Variants in MACIR observed in about 807,000 individuals in gnomAD.
MACIR encodes UNC119-binding protein C5orf30.
MACIR carries 4 observed loss-of-function variants against 14.3 expected under a neutral mutation model. The observed-to-expected ratio is 0.28, with a 90% CI of 0.14 to 0.64. The LOEUF is 0.64. MACIR is among the 30% of genes least tolerant of loss of function. The pLI, the probability that MACIR is intolerant of heterozygous loss-of-function variation, is 0.83. For missense variants in MACIR, 228 were observed against 257.6 expected (o/e 0.89, Z 0.79); for synonymous variants, 101 against 102.4 (o/e 0.99, Z 0.08).
At chr5:103,264,457 A>G (rs768386747) in intron 1 of MACIR, among the ~76,000 whole-genome samples, 8 of 152,136 alleles carry the variant, frequency 5.3e-5, no homozygotes, top group Admixed American at 1.3e-4. Flanking sequence ...ATGCAGATGA[A>G]TGTTATTAGT....
At chr5:103,266,054 A>C (rs1267917770) in intron 2 of MACIR, 57 bp downstream of exon 2, 1 of 152,144 alleles carries the variant, frequency 6.6e-6, no homozygotes, top group Non-Finnish European at 1.5e-5. Flanking sequence ...CAATACCATA[A>C]TGTGTTTTTT....
At chr5:103,264,006 A>C (rs1562546891) in intron 1 of MACIR, among the ~76,000 whole-genome samples, 1 of 152,192 alleles carries the variant, frequency 6.6e-6, no homozygotes, top group African/African-American at 2.4e-5. Flanking sequence ...ATAACCATGC[A>C]GCTAAGTAGT....
Position 103,275,885 on chromosome 5 carries a change from G to C in MACIR, c.-23-12G>C. On this transcript the variant is annotated splice_polypyrimidine_tract_variant and intron_variant, in intron 2 of 2. Coordinates refer to ENST00000319933, the MANE Select transcript of MACIR (RefSeq NM_033211.4). ...CATTATATTCTTCTAATCTAAGTCT[G>C]TTTACTTTTAGGATTGTGCAGACTG... The C allele has an allele frequency of 6.3e-7, 1 of 1,581,406 alleles. No homozygotes were observed. Among genetic ancestry groups the C allele is most frequent in the Non-Finnish European group, 8.6e-7 (1 of 1,162,552 alleles).
At chr5:103,275,713 C>T (rs1283267608) in intron 2 of MACIR, among the ~76,000 whole-genome samples, 184 bp from the exon 3 acceptor site, 1 of 152,128 alleles carries the variant, frequency 6.6e-6, no homozygotes, top group Non-Finnish European at 1.5e-5. Flanking sequence ...TTCTTAAAGG[C>T]AGAGAGGTAT....
At chr5:103,264,337 GTTAAGA>G (rs1267434356) in intron 1 of MACIR, among the ~76,000 whole-genome samples, 1 of 152,112 alleles carries the variant, frequency 6.6e-6, no homozygotes, top group Non-Finnish European at 1.5e-5. Flanking sequence ...TCATGGAGTA[GTTAAGA>G]TTAAATGATA....
At position 103,261,705 on chromosome 5, in the gene MACIR, C is replaced by CTTTT. The variant is rs1562545911; in HGVS notation, c.-114+2809_-114+2810insTTTT. Among the ~76,000 whole-genome samples, 72 of 62,840 alleles carry CTTTT rather than the reference C, an allele frequency of 1.1e-3. 1 individual carries two copies. The highest frequency in any genetic ancestry group is 4.0e-3 in the African/African-American group (61 of 15,232). The allele number at this position is 62,840 out of a possible 152,430, so 41.2% of individuals were successfully genotyped here. On this transcript the variant is annotated intron_variant, in intron 1 of 2. Coordinates refer to ENST00000319933, the MANE Select transcript of MACIR (RefSeq NM_033211.4). The stretch of plus-strand genomic sequence containing the variant: ...TTCTTTCTTTCTTTCTTTCTTTCTT[C>CTTTT]CTTTCTTTCTTTCTTTCTTTCTTTT...
In MACIR at chr5:103,261,638, T is replaced by TTTCTTTC. The variant is rs1804689234; in HGVS notation, c.-114+2744_-114+2745insCTTTCTT. ...CTCTGAAAATACTACCTGTTTTTCT[T>TTTCTTTC]TTTCTTTCTTTCTTTCTTTCTTTCT... On this transcript the variant is annotated intron_variant, in intron 1 of 2. Coordinates refer to ENST00000319933, the MANE Select transcript of MACIR (RefSeq NM_033211.4). 3.1e-5 allele frequency among the ~76,000 whole-genome samples: 3 copies of TTTCTTTC among 96,750 alleles called. No homozygotes were observed. In the Admixed American group the frequency reaches 3.2e-4, roughly 10 times the overall value. 63.5% of individuals were successfully genotyped at this position (96,750 alleles called of 152,430 possible).
rs1435013706 is a variant in MACIR, at chr5:103,260,583, GTTTA to G, written c.-114+1692_-114+1695del. Among the ~76,000 whole-genome samples the G allele has an allele frequency of 7.2e-5, 11 of 152,266 alleles. No individual in the cohort carries two copies. In the South Asian group the frequency reaches 1.0e-3, roughly 14 times the overall value. On this transcript the variant is annotated intron_variant, in intron 1 of 2. Coordinates refer to ENST00000319933, the MANE Select transcript of MACIR (RefSeq NM_033211.4). ...TGTATAGAATATGCTTTTGCTAACA[GTTTA>G]TTTAATTGCAAATGAAAGTGTTAGT... is the stretch of plus-strand genomic sequence containing the variant.
chr5:103,265,157 A>G (rs546357507), intron 1 of MACIR, among the ~76,000 whole-genome samples: 17 of 152,148 alleles, frequency 1.1e-4, no homozygotes, highest in Non-Finnish European at 2.2e-4. Context: ...AGGAGATGCT[A>G]GAAACCTTAA....
rs1554237799 is a variant in MACIR at position 103,276,722 on chromosome 5, G to C, written c.*182G>C. The C allele has an allele frequency of 3.9e-6, 2 of 513,730 alleles. No individual in the cohort carries two copies. Among genetic ancestry groups the C allele is most frequent in the Non-Finnish European group, 6.8e-6 (2 of 292,436 alleles). 31.8% of individuals were successfully genotyped at this position (513,730 alleles called of 1,614,324 possible). Reference sequence around the variant, plus strand: ...GGAATGAAATCACAGGTACTTGGGGGGGGGATATCATTCTAGAGCACGCAA... The same window carrying C: ...GGAATGAAATCACAGGTACTTGGGGCGGGGATATCATTCTAGAGCACGCAA... On this transcript the variant is annotated 3_prime_UTR_variant, in exon 3 of 3. Coordinates refer to ENST00000319933, the MANE Select transcript of MACIR (RefSeq NM_033211.4).
Position 103,275,962 on chromosome 5 carries a change from A to T in MACIR, c.43A>T (p.Thr15Ser). 3 of 1,613,896 alleles carry T rather than the reference A, an allele frequency of 1.9e-6. No individual in the cohort carries two copies. The highest frequency in any genetic ancestry group is 2.5e-6 in the Non-Finnish European group (3 of 1,180,010). The change falls in exon 3 of 3, where the codon ACC becomes TCC. Residue 15 changes from threonine (T) to serine (S), a missense_variant. Physicochemically the swap from Thr to Ser is moderately conservative, Grantham distance 58. Transcript: ENST00000319933. ...TGGAGAGTCTAGAAGTACCCTGACC[A>T]CCTTGCCCTTCCCTGGGGCTGAGGC... ...INGESRSTLTTLPFPGAEANS... is the reference protein window; with the variant it reads ...INGESRSTLTSLPFPGAEANS...
At position 103,261,697 on chromosome 5, in the gene MACIR, T is replaced by TC. The variant is rs1314820699; in HGVS notation, c.-114+2802dup. On this transcript the variant is annotated intron_variant, in intron 1 of 2. Coordinates refer to ENST00000319933, the MANE Select transcript of MACIR (RefSeq NM_033211.4). ...TTCTTTCTTTCTTTCTTTCTTTCTT[T>TC]CTTTCTTCCTTTCTTTCTTTCTTTC... Among the ~76,000 whole-genome samples, 63 of 109,962 alleles carry TC rather than the reference T, an allele frequency of 5.7e-4. 2 individuals carry two copies. The highest frequency in any genetic ancestry group is 5.0e-3 in the East Asian group (19 of 3,808). 72.1% of individuals were successfully genotyped at this position (109,962 alleles called of 152,430 possible). A position where few individuals can be genotyped will look rare whatever the true frequency, so the allele number is the denominator to read the frequency against.
intron 2 of MACIR, among the ~76,000 whole-genome samples, chr5:103,274,010 C>T (rs928021604): frequency 1.3e-5 from 2 of 151,808 alleles, no homozygotes; most frequent in Non-Finnish European, 2.9e-5. Flanking sequence ...CCTCAATGGC[C>T]CTGGTTATTT....
intron 1 of MACIR, among the ~76,000 whole-genome samples, chr5:103,262,820 T>C (rs1421487099): frequency 6.6e-6 from 1 of 152,222 alleles, no homozygotes; most frequent in Non-Finnish European, 1.5e-5. Flanking sequence ...GTCTTTGTTT[T>C]TATGCAGCAT....
chr5:103,260,078 T>C (rs1189267711), intron 1 of MACIR, among the ~76,000 whole-genome samples: 1 of 87,874 alleles, frequency 1.1e-5, no homozygotes, highest in Non-Finnish European at 3.1e-5. Context: ...TGTGTGTGTT[T>C]GTGTGTGTGT....
chr5:103,262,924 T>A (rs1294868251), intron 1 of MACIR, among the ~76,000 whole-genome samples: 1 of 152,188 alleles, frequency 6.6e-6, no homozygotes, highest in African/African-American at 2.4e-5. Flanking sequence ...AAGCCTTCAG[T>A]GTTTAGAACA....
At chr5:103,263,621 C>T (rs1361203909) in intron 1 of MACIR, among the ~76,000 whole-genome samples, 1 of 152,110 alleles carries the variant, frequency 6.6e-6, no homozygotes, top group African/African-American at 2.4e-5. Flanking sequence ...AAGAATATGT[C>T]ACCAAATACA....
rs535777474 is a variant in MACIR at position 103,271,148 on chromosome 5, A to G, written c.-23-4749A>G. 1.8e-4 allele frequency among the ~76,000 whole-genome samples: 27 copies of G among 152,248 alleles called. 1 individual carries two copies. The highest frequency in any genetic ancestry group is 6.8e-3 in the Middle Eastern group (2 of 294). On this transcript the variant is annotated intron_variant, in intron 2 of 2. Transcript: ENST00000319933. The stretch of plus-strand genomic sequence containing the variant: ...AATGAACTCTATATATAGGAAAGCT[A>G]ATGAAGCAATTAATTTTTTGAGTTT...
rs144822898 is a variant in MACIR, at chr5:103,276,233, G to A, written c.314G>A (p.Arg105His). 5.7e-4 allele frequency: 913 copies of A among 1,612,960 alleles called. 1 individual carries two copies. The highest frequency in any genetic ancestry group is 9.9e-4 in the Middle Eastern group (6 of 6,084). Residue 105 changes from arginine (R) to histidine (H), a missense_variant, in exon 3 of 3, where the codon CGT becomes CAT. By Grantham distance (29) the Arg-to-His change is conservative (BLOSUM62 0). Coordinates refer to ENST00000319933, the MANE Select transcript of MACIR (RefSeq NM_033211.4). Reference sequence around the variant, plus strand: ...GATGCAGGACTTGCCCGTTCCTCTCGTTTGTATAAAACCAGAAGTAGGTAC... The same window carrying A: ...GATGCAGGACTTGCCCGTTCCTCTCATTTGTATAAAACCAGAAGTAGGTAC... ...QLDAGLARSS[R>H]LYKTRSRYYQ...
Sources: gnomAD v4.1 joint callset for allele counts (sites outside exome capture counted in the v4.1 genomes callset) on GRCh38, gnomAD v4.1.1 for gene constraint, MANE v1.5 for transcripts, NCBI Gene and HGNC (gene_info 2026-07-23, HGNC 2026-07-21) for gene names.